The following MLLT3 variants were observed in gnomAD, a reference collection of about 807,000 sequenced individuals.
MLLT3 encodes the protein protein AF-9.
A neutral mutation model predicts 53.2 loss-of-function variants in MLLT3; 4 were observed. That is an observed-to-expected ratio of 0.08 (90% CI 0.04 to 0.17). The LOEUF is 0.17. Among genes scored for constraint, MLLT3 ranks in the 10% least tolerant of loss-of-function variants. The pLI, the probability that MLLT3 is intolerant of heterozygous loss-of-function variation, is 1.00. For synonymous variants in MLLT3, 283 were observed against 230.6 expected, an observed-to-expected ratio of 1.23 and a Z score of -2.06; for missense variants, 569 against 684.0, an observed-to-expected ratio of 0.83 and a Z score of 1.87.
At chr9:20,412,492 G>C (rs1822754391) in intron 5 of MLLT3, among the ~76,000 whole-genome samples, 1 of 151,886 alleles carries the variant, frequency 6.6e-6, no homozygotes, top group East Asian at 1.9e-4. Flanking sequence ...GACCACTGGG[G>C]ATCAGTGTCA....
At chr9:20,590,718 G>A (rs1013201509) in intron 2 of MLLT3, among the ~76,000 whole-genome samples, 1 of 152,038 alleles carries the variant, frequency 6.6e-6, no homozygotes, top group Non-Finnish European at 1.5e-5. Flanking sequence ...GTGTGAAAAT[G>A]AACTAATACA....
chr9:20,361,595 G>C (rs1398720667), intron 7 of MLLT3, among the ~76,000 whole-genome samples: 1 of 152,096 alleles, frequency 6.6e-6, no homozygotes, highest in African/African-American at 2.4e-5. Flanking sequence ...TGGTATGTTT[G>C]GGATAACCGC....
chr9:20,463,283 G>C (rs560898256), intron 2 of MLLT3, among the ~76,000 whole-genome samples: 14 of 147,872 alleles, frequency 9.5e-5, no homozygotes, highest in African/African-American at 3.7e-4. Context: ...CAAGGGGGTG[G>C]GGGGGAGGAG....
chr9:20,567,870 G>C (rs1819421702), intron 2 of MLLT3, among the ~76,000 whole-genome samples: 1 of 152,046 alleles, frequency 6.6e-6, no homozygotes, highest in Admixed American at 6.6e-5. Flanking sequence ...GTTTAAAAAA[G>C]AGAAAGGCCC....
intron 5 of MLLT3, among the ~76,000 whole-genome samples, chr9:20,377,849 C>T (rs1360529657): frequency 6.6e-6 from 1 of 152,088 alleles, no homozygotes; most frequent in East Asian, 1.9e-4. Context: ...TGACTTAAGA[C>T]TACCTCATCT....
intron 2 of MLLT3, among the ~76,000 whole-genome samples, chr9:20,566,811 G>C (rs938605815): frequency 6.6e-6 from 1 of 152,108 alleles, no homozygotes; most frequent in African/African-American, 2.4e-5. Flanking sequence ...AAAGGGTAGA[G>C]GGCATCTGAA....
rs1156458426 is a variant in MLLT3, at chr9:20,343,799, T to C, written c.*2644A>G. On this transcript the variant is annotated 3_prime_UTR_variant, in exon 11 of 11. Transcript: ENST00000380338. ...TAAGAAACCAGAGCCACTGTTAGGG[T>C]ACTCACATGTCAAAGATATTCTTAA... 1 of 212,646 alleles carries C rather than the reference T, an allele frequency of 4.7e-6. No homozygotes were observed. Among genetic ancestry groups the C allele is most frequent in the Non-Finnish European group, 9.5e-6 (1 of 105,164 alleles). The allele number at this position is 212,646 out of a possible 1,614,324, so 13.2% of individuals were successfully genotyped here.
chr9:20,395,671 G>C (rs568153223), intron 5 of MLLT3, among the ~76,000 whole-genome samples: 1 of 152,234 alleles, frequency 6.6e-6, no homozygotes, highest in East Asian at 1.9e-4. Flanking sequence ...AAGAAATTTA[G>C]GTTAAACACC....
intron 2 of MLLT3, among the ~76,000 whole-genome samples, chr9:20,539,385 C>A (rs944569261): frequency 2.0e-5 from 3 of 152,134 alleles, no homozygotes; most frequent in Non-Finnish European, 4.4e-5. Flanking sequence ...AAAGAACTAC[C>A]TGAGAATGGG....
At chr9:20,598,764 A>G (rs984687618) in intron 2 of MLLT3, among the ~76,000 whole-genome samples, 4 of 152,262 alleles carry the variant, frequency 2.6e-5, no homozygotes, top group African/African-American at 9.6e-5. Flanking sequence ...GAAACCAAAT[A>G]AAGGTGATTC....
intron 2 of MLLT3, among the ~76,000 whole-genome samples, chr9:20,614,932 T>C (rs1214443880): frequency 4.2e-5 from 2 of 48,118 alleles, no homozygotes; most frequent in Middle Eastern, 0.016. Flanking sequence ...GGCAAAATTA[T>C]CAAACCAAGT....
intron 5 of MLLT3, among the ~76,000 whole-genome samples, chr9:20,410,009 A>T (rs1014903977): frequency 2.0e-4 from 30 of 152,206 alleles, no homozygotes; most frequent in African/African-American, 7.2e-4. Context: ...AAAAGCTGAA[A>T]GATCTGAGAC....
At chr9:20,592,323 G>A in intron 2 of MLLT3, among the ~76,000 whole-genome samples, 1 of 152,158 alleles carries the variant, frequency 6.6e-6, no homozygotes, top group Non-Finnish European at 1.5e-5. Flanking sequence ...CCCAAATGGG[G>A]TGGCTTAAGC....
intron 2 of MLLT3, among the ~76,000 whole-genome samples, chr9:20,458,476 G>A (rs150888917): frequency 4.2e-4 from 64 of 152,254 alleles, no homozygotes; most frequent in African/African-American, 8.2e-4. Context: ...CAAGGTGACC[G>A]TTACGAACTG....
chr9:20,354,903 G>A (rs747493025), intron 8 of MLLT3, 24 bp from the exon 9 acceptor site: 2 of 1,580,402 alleles, frequency 1.3e-6, no homozygotes, highest in Admixed American at 1.7e-5. Context: ...AGAACGCTGT[G>A]TTAAATTTTA....
intron 2 of MLLT3, among the ~76,000 whole-genome samples, chr9:20,514,480 G>GTAGC (rs1443726434): frequency 6.6e-6 from 1 of 152,066 alleles, no homozygotes; most frequent in Non-Finnish European, 1.5e-5. Context: ...AAAATGATAT[G>GTAGC]TAGCTGTACC....
At chr9:20,359,468 A>T (rs1256625609) in intron 8 of MLLT3, among the ~76,000 whole-genome samples, 1 of 152,240 alleles carries the variant, frequency 6.6e-6, no homozygotes, top group Non-Finnish European at 1.5e-5. Context: ...TATAAGAGAT[A>T]ATGAGGCTGG....
chr9:20,600,932 T>C (rs2131197321), intron 2 of MLLT3, among the ~76,000 whole-genome samples: 1 of 152,256 alleles, frequency 6.6e-6, no homozygotes, highest in South Asian at 2.1e-4. Context: ...GCACCTTCAA[T>C]GGTAAAATGG....
At chr9:20,493,525 T>C (rs1825005810) in intron 2 of MLLT3, among the ~76,000 whole-genome samples, 1 of 152,008 alleles carries the variant, frequency 6.6e-6, no homozygotes, top group African/African-American at 2.4e-5. Flanking sequence ...CAAGCTATCT[T>C]AAAGAAAAAA....
Sources: allele counts gnomAD v4.1 joint callset (sites outside exome capture counted in the v4.1 genomes callset), GRCh38; gene constraint gnomAD v4.1.1; transcripts MANE v1.5; gene names NCBI Gene and HGNC (gene_info 2026-07-23, HGNC 2026-07-21).